Variants in CHERP observed in about 807,000 individuals in gnomAD.
CHERP encodes the protein ERPROT 213-21.
In CHERP, 8 loss-of-function variants were observed where a neutral mutation model predicts 113.8. The ratio of observed to expected loss-of-function variants is 0.07; its 90% CI spans 0.04 to 0.13. The LOEUF (loss-of-function observed/expected upper bound fraction) is 0.13. Among genes scored for constraint, CHERP ranks in the 10% least tolerant of loss-of-function variants. The pLI is 1.00. For synonymous variants in CHERP, 559 were observed against 524.5 expected, an observed-to-expected ratio of 1.07 and a Z score of -0.90; for missense variants, 884 against 1,298.2, an observed-to-expected ratio of 0.68 and a Z score of 4.90.
Position 16,530,867 on chromosome 19 carries a change from C to A in CHERP, c.688G>T (p.Ala230Ser). ...DVLHHCQRKQ[A>S]RELLAALQKV... ...TGCAGGGCGGCCAGCAGCTCCCGGGCCTGCTTGCGCTGGCTGTGAGGGAGA... is the reference window on the plus strand; with the variant it reads ...TGCAGGGCGGCCAGCAGCTCCCGGGACTGCTTGCGCTGGCTGTGAGGGAGA... The change falls in exon 6 of 17, where the codon GCC (alanine) becomes TCC (serine). Residue 230 changes from alanine (A) to serine (S), a missense_variant. Ala to Ser is a moderately conservative substitution (Grantham distance 99). Around this residue, in one of 8 missense-constraint regions of CHERP, gnomAD observed 73 missense variants for 182.4 expected, o/e 0.40. Transcript: ENST00000546361. The surrounding 1 kb of genome is among the most constrained non-coding windows in gnomAD (Gnocchi z 4.1). 1 of 1,613,404 alleles carries A rather than the reference C, an allele frequency of 6.2e-7. No homozygotes were observed. Among genetic ancestry groups the A allele is most frequent in the Non-Finnish European group, 8.5e-7 (1 of 1,179,916 alleles).
chr19:16,536,909 G>A (rs2085744819), intron 2 of CHERP, among the ~76,000 whole-genome samples: 1 of 152,198 alleles, frequency 6.6e-6, no homozygotes, highest in Non-Finnish European at 1.5e-5. Flanking sequence ...CTACCTGAGA[G>A]GCTGAGGCAG....
At chr19:16,537,670 A>G (rs1230971641) in intron 2 of CHERP, among the ~76,000 whole-genome samples, 1 of 151,852 alleles carries the variant, frequency 6.6e-6, no homozygotes, top group East Asian at 1.9e-4. Flanking sequence ...CATCACTCCA[A>G]TCAGTCTATG....
rs375399251 is a variant in CHERP, at chr19:16,533,125, G to C, written c.408C>G (p.Ala136=). The C allele has an allele frequency of 1.3e-6, 2 of 1,587,000 alleles. No homozygotes were observed. Among genetic ancestry groups the C allele is most frequent in the Non-Finnish European group, 1.7e-6 (2 of 1,167,102 alleles). ...LRQEQVTAAV[A]HAVEQQMQKL... is the part of the protein sequence containing the mutation. ...TCTGCATCTGCTGCTCCACCGCGTGGGCCACGGCCGCTGTCACTTGCTCCT... is the reference window on the plus strand; with the variant it reads ...TCTGCATCTGCTGCTCCACCGCGTGCGCCACGGCCGCTGTCACTTGCTCCT... Residue 136 remains alanine, a synonymous_variant, in exon 4 of 17, where the codon GCC becomes GCG. Coordinates refer to ENST00000546361, the MANE Select transcript of CHERP (RefSeq NM_006387.6).
chr19:16,521,724 G>A, intron 11 of CHERP, 70 bp from the exon 12 acceptor site: 2 of 1,444,514 alleles, frequency 1.4e-6, no homozygotes, highest in Non-Finnish European at 1.8e-6. Context: ...GGGTCTGCAA[G>A]GAGTGGGGTC....
At position 16,532,388 on chromosome 19, in the gene CHERP, A is replaced by G. The variant is rs1002756945; in HGVS notation, c.674+210T>C. 4 of 585,512 alleles carry G rather than the reference A, an allele frequency of 6.8e-6. No homozygotes were observed. The highest frequency in any genetic ancestry group is 5.6e-5 in the African/African-American group (3 of 53,384). 36.3% of individuals were successfully genotyped at this position (585,512 alleles called of 1,614,324 possible). A position where few individuals can be genotyped will look rare whatever the true frequency, so the allele number is the denominator to read the frequency against. ...GTCTAGGGGAGAGGACAGGGCATGC[A>G]GCGAAGGTGCACAGGACACCTAGAC... On this transcript the variant is annotated intron_variant, in intron 5 of 16. Transcript: ENST00000546361. This position sits in a 1 kb window ranked among gnomAD's most constrained non-coding sequence, Gnocchi z 4.4.
Position 16,520,030 on chromosome 19 carries a change from C to T in CHERP, c.2462+119G>A. 9.3e-7 allele frequency: 1 copy of T among 1,071,356 alleles called. No homozygotes were observed. The highest frequency in any genetic ancestry group is 1.4e-5 in the South Asian group (1 of 70,134). The allele number at this position is 1,071,356 out of a possible 1,614,324, so 66.4% of individuals were successfully genotyped here. A position where few individuals can be genotyped will look rare whatever the true frequency, so the allele number is the denominator to read the frequency against. Reference sequence around the variant, plus strand: ...GTGAAGGGTGAGGGGTGCCACTGTCCCCGGGCTAATGCTGGCGGCCTCCTA... The same window carrying T: ...GTGAAGGGTGAGGGGTGCCACTGTCTCCGGGCTAATGCTGGCGGCCTCCTA... On this transcript the variant is annotated intron_variant, in intron 15 of 16. Transcript: ENST00000546361. The surrounding 1 kb of genome is among the most constrained non-coding windows in gnomAD (Gnocchi z 4.0).
intron 1 of CHERP, 68 bp downstream of exon 1, chr19:16,542,286 G>C (rs1192324361): frequency 7.5e-7 from 1 of 1,340,302 alleles, no homozygotes; most frequent in Admixed American, 3.6e-5. Context: ...GGGACTCCGG[G>C]AGGCGGGGCC....
At position 16,529,914 on chromosome 19, in the gene CHERP, G is replaced by A; in HGVS notation, c.877-14C>T. The A allele has an allele frequency of 6.2e-7, 1 of 1,610,392 alleles. No homozygotes were observed. Among genetic ancestry groups the A allele is most frequent in the Non-Finnish European group, 8.5e-7 (1 of 1,178,218 alleles). ...GATGAGGGTGGCCTGAGAGAGAGAA[G>A]AGCACCCGCTGCTCAGTATGCGGCC... On this transcript the variant is annotated splice_polypyrimidine_tract_variant and intron_variant, in intron 7 of 16. Transcript: ENST00000546361.
At position 16,519,383 on chromosome 19, in the gene CHERP, C is replaced by A. The variant is rs1430478881; in HGVS notation, c.2558-31G>T. ...AACAGAGACGCAGTCACAACCACAA[C>A]AAGGCGGAGGCAGATGGGGGTGCAC... On this transcript the variant is annotated intron_variant, in intron 16 of 16. Coordinates refer to ENST00000546361, the MANE Select transcript of CHERP (RefSeq NM_006387.6). This position sits in a 1 kb window ranked among gnomAD's most constrained non-coding sequence, Gnocchi z 6.0. The A allele has an allele frequency of 6.2e-7, 1 of 1,600,802 alleles. No homozygotes were observed. The highest frequency in any genetic ancestry group is 8.5e-7 in the Non-Finnish European group (1 of 1,174,810).
chr19:16,518,484 T>G lies in CHERP; in HGVS notation c.*675A>C, dbSNP rs892033228. ...TATCAACTTATACAACTAAAATAAC[T>G]GAACTAAGGGCCAGTACGCCTTCGA... On this transcript the variant is annotated 3_prime_UTR_variant, in exon 17 of 17. Coordinates refer to ENST00000546361, the MANE Select transcript of CHERP (RefSeq NM_006387.6). The G allele has an allele frequency of 6.6e-6, 1 of 152,146 alleles. No individual in the cohort carries two copies. The highest frequency in any genetic ancestry group is 2.4e-5 in the African/African-American group (1 of 41,434). The allele number at this position is 152,146 out of a possible 1,614,324, so 9.4% of individuals were successfully genotyped here.
At position 16,520,553 on chromosome 19, in the gene CHERP, C is replaced by T. The variant is rs763120531; in HGVS notation, c.2202-46G>A. 4.4e-6 allele frequency: 7 copies of T among 1,574,894 alleles called. No individual in the cohort carries two copies. Among genetic ancestry groups the T allele is most frequent in the Non-Finnish European group, 5.2e-6 (6 of 1,159,176 alleles). Reference sequence around the variant, plus strand: ...ATCAGGTGCCCCAGTGGATGGGCTGCACCCAGCCCACCCTGGCCCTCAGGT... The same window carrying T: ...ATCAGGTGCCCCAGTGGATGGGCTGTACCCAGCCCACCCTGGCCCTCAGGT... On this transcript the variant is annotated intron_variant, in intron 13 of 16. Transcript: ENST00000546361. This position sits in a 1 kb window ranked among gnomAD's most constrained non-coding sequence, Gnocchi z 4.0.
rs2085712740 is a variant in CHERP at position 16,532,444 on chromosome 19, C to T, written c.674+154G>A. On this transcript the variant is annotated intron_variant, in intron 5 of 16. Coordinates refer to ENST00000546361, the MANE Select transcript of CHERP (RefSeq NM_006387.6). This position sits in a 1 kb window ranked among gnomAD's most constrained non-coding sequence, Gnocchi z 4.4. ...AGTCCTGGAGACAGAAGCCTGGTGGCTCACAGAGACCCCCCACCCGGGGTC... is the reference window on the plus strand; with the variant it reads ...AGTCCTGGAGACAGAAGCCTGGTGGTTCACAGAGACCCCCCACCCGGGGTC... 1.1e-6 allele frequency: 1 copy of T among 891,874 alleles called. No homozygotes were observed. Among genetic ancestry groups the T allele is most frequent in the South Asian group, 1.8e-5 (1 of 55,946 alleles). The allele number at this position is 891,874 out of a possible 1,614,324, so 55.2% of individuals were successfully genotyped here.
At chr19:16,522,416 G>A (rs572181509) in intron 11 of CHERP, among the ~76,000 whole-genome samples, 29 of 152,284 alleles carry the variant, frequency 1.9e-4, no homozygotes, top group Non-Finnish European at 3.2e-4. Flanking sequence ...CTGCCACCAC[G>A]CCTGGCTAAT....
Position 16,530,340 on chromosome 19 carries a change from C to A in CHERP, c.876+245G>T, listed in dbSNP as rs867347419. Among the ~76,000 whole-genome samples, 13 of 152,168 alleles carry A rather than the reference C, an allele frequency of 8.5e-5. No individual in the cohort carries two copies. Among genetic ancestry groups the A allele is most frequent in the Admixed American group, 3.9e-4 (6 of 15,284 alleles). Reference sequence around the variant, plus strand: ...TGCCTGACCACCAGAGCAAATGGGCCATGTGCAATGACTCCGAAAGGCCGC... The same window carrying A: ...TGCCTGACCACCAGAGCAAATGGGCAATGTGCAATGACTCCGAAAGGCCGC... On this transcript the variant is annotated intron_variant, in intron 7 of 16. Transcript: ENST00000546361. The surrounding 1 kb of genome is among the most constrained non-coding windows in gnomAD (Gnocchi z 4.1).
At position 16,535,430 on chromosome 19, in the gene CHERP, C is replaced by T. The variant is rs140382624; in HGVS notation, c.384+22G>A. 3,630 of 1,601,538 alleles carry T rather than the reference C, an allele frequency of 2.3e-3. 58 individuals are homozygous for T. In the African/African-American group the frequency reaches 0.041, roughly 18 times the overall value. On this transcript the variant is annotated intron_variant, in intron 3 of 16. Transcript: ENST00000546361. This position sits in a 1 kb window ranked among gnomAD's most constrained non-coding sequence, Gnocchi z 4.3. ...CACAGGGGAGCTGCTGGTGTCTGGC[C>T]GAGGAGGCGGCGGGCCCATACCTGT...
chr19:16,529,065 C>T (rs2085677287), intron 8 of CHERP, among the ~76,000 whole-genome samples: 1 of 152,206 alleles, frequency 6.6e-6, no homozygotes. Context: ...CAGGGTCTCG[C>T]TTTGTTACCC....
chr19:16,532,436 C>T lies in CHERP; in HGVS notation c.674+162G>A, dbSNP rs1353241173. On this transcript the variant is annotated intron_variant, in intron 5 of 16. Transcript: ENST00000546361. This position sits in a 1 kb window ranked among gnomAD's most constrained non-coding sequence, Gnocchi z 4.4. ...GACCTCGCAGTCCTGGAGACAGAAG[C>T]CTGGTGGCTCACAGAGACCCCCCAC... The T allele has an allele frequency of 5.0e-6, 4 of 802,618 alleles. No individual in the cohort carries two copies. The highest frequency in any genetic ancestry group is 1.7e-5 in the African/African-American group (1 of 57,660). The allele number at this position is 802,618 out of a possible 1,614,324, so 49.7% of individuals were successfully genotyped here.
chr19:16,526,656 G>A (rs982744779), intron 9 of CHERP, among the ~76,000 whole-genome samples: 9 of 152,066 alleles, frequency 5.9e-5, no homozygotes, highest in Non-Finnish European at 1.2e-4. Flanking sequence ...TAGTAGAGGC[G>A]AGGTTTCACC....
In CHERP at chr19:16,518,980, C is replaced by G. The variant is rs929559744; in HGVS notation, c.*179G>C. On this transcript the variant is annotated 3_prime_UTR_variant, in exon 17 of 17. Coordinates refer to ENST00000546361, the MANE Select transcript of CHERP (RefSeq NM_006387.6). ...TTGTGGGTGGCACCCGTGCCCTCCA[C>G]GCCATGGAGCACGGCGTTCCCACTG... 6.2e-6 allele frequency: 4 copies of G among 641,736 alleles called. No homozygotes were observed. The highest frequency in any genetic ancestry group is 7.9e-6 in the Non-Finnish European group (3 of 380,832). The allele number at this position is 641,736 out of a possible 1,614,324, so 39.8% of individuals were successfully genotyped here.
Sources: allele counts gnomAD v4.1 joint callset (sites outside exome capture counted in the v4.1 genomes callset), GRCh38; gene constraint gnomAD v4.1.1; regional missense constraint gnomAD v4.1.1; non-coding constraint Gnocchi (gnomAD v3.1); transcripts MANE v1.5; gene names NCBI Gene and HGNC (gene_info 2026-07-23, HGNC 2026-07-21).